The following HDAC9 variants were observed in gnomAD, a reference collection of about 807,000 sequenced individuals.
HDAC9 encodes MEF-2 interacting transcription repressor (MITR) protein.
HDAC9 carries 41 observed loss-of-function variants against 139.4 expected under a neutral mutation model. The observed-to-expected ratio is 0.29, with a 90% confidence interval of 0.23 to 0.38. The LOEUF (loss-of-function observed/expected upper bound fraction) is 0.38, where lower values mean the gene tolerates loss of function less well. HDAC9 is among the 10% of genes least tolerant of loss of function. The probability of loss-of-function intolerance (pLI) is 1.00; values close to 1 mark genes in which losing one functional copy is unlikely to be tolerated. For synonymous variants in HDAC9, 517 were observed against 476.2 expected (o/e 1.09, Z -1.12); for missense variants, 1,147 against 1,297.0 (o/e 0.88, Z 1.78).
intron 1 of HDAC9, among the ~76,000 whole-genome samples, chr7:18,138,490 G>T (rs963510510): frequency 6.6e-6 from 1 of 151,626 alleles, no homozygotes; most frequent in African/African-American, 2.4e-5. Flanking sequence ...GAGCCAAATA[G>T]CAAGATGGTG....
intron 25 of HDAC9, among the ~76,000 whole-genome samples, chr7:18,991,070 G>T (rs770373792): frequency 2.6e-5 from 4 of 152,052 alleles, no homozygotes. Context: ...GGCTCCTCTC[G>T]ATCTTTATTC....
At chr7:18,585,198 T>G in intron 2 of HDAC9, 83 bp from the exon 3 acceptor site, 1 of 1,488,744 alleles carries the variant, frequency 6.7e-7, no homozygotes, top group Non-Finnish European at 9.2e-7. Flanking sequence ...TTATACTTTT[T>G]ATTTGTTTCC....
intron 23 of HDAC9, among the ~76,000 whole-genome samples, chr7:18,938,780 T>G (rs910497150): frequency 6.6e-5 from 10 of 152,178 alleles, no homozygotes; most frequent in Non-Finnish European, 1.5e-4. Flanking sequence ...AATAATCTAC[T>G]GCATATTGCA....
intron 2 of HDAC9, among the ~76,000 whole-genome samples, chr7:18,530,016 A>T (rs1190077655): frequency 6.6e-6 from 1 of 152,154 alleles, no homozygotes; most frequent in Non-Finnish European, 1.5e-5. Flanking sequence ...CACTTCCGTA[A>T]TCCCAGCAAT....
intron 1 of HDAC9, among the ~76,000 whole-genome samples, chr7:18,301,213 T>C (rs903978625): frequency 2.0e-5 from 3 of 152,194 alleles, no homozygotes; most frequent in Non-Finnish European, 4.4e-5. Flanking sequence ...TTGAAACTTC[T>C]CGCTTCTCAA....
intron 2 of HDAC9, among the ~76,000 whole-genome samples, chr7:18,559,644 A>G (rs1819972049): frequency 6.6e-6 from 1 of 152,138 alleles, no homozygotes; most frequent in Non-Finnish European, 1.5e-5. Flanking sequence ...TAAGGCCCCT[A>G]CACTGGTGTT....
rs1049084651 is a variant in HDAC9, at chr7:18,949,245, C to G, written c.2938-4901C>G. 10 of 197,878 alleles carry G rather than the reference C, an allele frequency of 5.1e-5. No individual in the cohort carries two copies. The East Asian group carries it at 1.6e-3, about 32-fold the overall frequency. 12.3% of individuals were successfully genotyped at this position (197,878 alleles called of 1,614,324 possible). A position where few individuals can be genotyped will look rare whatever the true frequency, so the allele number is the denominator to read the frequency against. On this transcript the variant is annotated intron_variant, in intron 23 of 25. Coordinates refer to ENST00000686413, the MANE Select transcript of HDAC9 (RefSeq NM_178425.4). Reference sequence around the variant, plus strand: ...TCTTCATCTTCCTCACCCTTGTCATCGTCATCTTCATTGTCATCATCATTA... The same window carrying G: ...TCTTCATCTTCCTCACCCTTGTCATGGTCATCTTCATTGTCATCATCATTA...
At chr7:18,095,860 G>A (rs1392649758) in intron 1 of HDAC9, among the ~76,000 whole-genome samples, 3 of 152,078 alleles carry the variant, frequency 2.0e-5, no homozygotes, top group Non-Finnish European at 4.4e-5. Context: ...GTATAAAGAT[G>A]CAGTCTCAGA....
At chr7:18,823,869 C>T (rs985980850) in intron 17 of HDAC9, among the ~76,000 whole-genome samples, 1 of 151,756 alleles carries the variant, frequency 6.6e-6, no homozygotes, top group African/African-American at 2.4e-5. Context: ...GCCCCAGCTG[C>T]TCTGGAGGCT....
chr7:18,894,161 A>G (rs1800955061), intron 22 of HDAC9, among the ~76,000 whole-genome samples: 1 of 152,156 alleles, frequency 6.6e-6, no homozygotes, highest in South Asian at 2.1e-4. Context: ...AGTGGCTCTG[A>G]ACTGAAATGG....
chr7:18,644,248 C>T (rs183572951), intron 8 of HDAC9, among the ~76,000 whole-genome samples: 1 of 151,886 alleles, frequency 6.6e-6, no homozygotes, highest in African/African-American at 2.4e-5. Context: ...TCAGTTTTCC[C>T]ATCAATAAAA....
chr7:18,414,328 A>G (rs1412918805), intron 1 of HDAC9, among the ~76,000 whole-genome samples: 1 of 152,124 alleles, frequency 6.6e-6, no homozygotes, highest in African/African-American at 2.4e-5. Flanking sequence ...AAAGACAAAA[A>G]GTAACTTTAA....
At chr7:18,391,177 G>T (rs1164192831) in intron 1 of HDAC9, among the ~76,000 whole-genome samples, 1 of 151,588 alleles carries the variant, frequency 6.6e-6, no homozygotes, top group Non-Finnish European at 1.5e-5. Flanking sequence ...CTGAGGTCAG[G>T]AGTTCGGGAC....
At chr7:18,688,217 A>G (rs1782417604) in intron 12 of HDAC9, among the ~76,000 whole-genome samples, 1 of 151,876 alleles carries the variant, frequency 6.6e-6, no homozygotes, top group Non-Finnish European at 1.5e-5. Flanking sequence ...CAAAAGCAAT[A>G]TCATAAAGAA....
intron 12 of HDAC9, among the ~76,000 whole-genome samples, chr7:18,698,966 G>T (rs190331111): frequency 6.6e-6 from 1 of 152,268 alleles, no homozygotes; most frequent in East Asian, 1.9e-4. Context: ...TTGGGAAAAA[G>T]ACTTTTCATT....
intron 22 of HDAC9, among the ~76,000 whole-genome samples, chr7:18,899,909 TGATA>T (rs995644531): frequency 8.5e-5 from 13 of 152,210 alleles, no homozygotes; most frequent in Non-Finnish European, 1.6e-4. Flanking sequence ...TCTCACAAAT[TGATA>T]ATGTGCATTT....
At chr7:18,141,138 A>G (rs947203353) in intron 1 of HDAC9, among the ~76,000 whole-genome samples, 2 of 152,172 alleles carry the variant, frequency 1.3e-5, no homozygotes, top group Admixed American at 6.5e-5. Flanking sequence ...TTGTTCTGTA[A>G]TGAGTGTTTT....
intron 21 of HDAC9, among the ~76,000 whole-genome samples, chr7:18,873,474 A>G (rs1799085038): frequency 2.0e-5 from 3 of 152,196 alleles, no homozygotes; most frequent in South Asian, 2.1e-4. Flanking sequence ...ATGATATGCA[A>G]TAACATTTTT....
intron 21 of HDAC9, among the ~76,000 whole-genome samples, chr7:18,856,361 T>C (rs1347641893): frequency 6.6e-6 from 1 of 152,110 alleles, no homozygotes; most frequent in East Asian, 1.9e-4. Flanking sequence ...TAAGAATCTA[T>C]CCCTAAAAAT....
Sources: gnomAD v4.1 joint callset for allele counts (sites outside exome capture counted in the v4.1 genomes callset) on GRCh38, gnomAD v4.1.1 for gene constraint, MANE v1.5 for transcripts, NCBI Gene and HGNC (gene_info 2026-07-23, HGNC 2026-07-21) for gene names.